The following AP3S2 variants were observed in gnomAD, a reference collection of about 807,000 sequenced individuals.
AP3S2 encodes AP-3 complex subunit sigma-2.
A neutral mutation model predicts 23.4 loss-of-function variants in AP3S2; 22 were observed. The ratio of observed to expected loss-of-function variants is 0.94; its 90% CI spans 0.67 to 1.34. The LOEUF is 1.34. AP3S2 is among the 40% of genes most tolerant of loss of function. AP3S2 has a pLI of 0.00. For synonymous variants in AP3S2, 86 were observed against 87.1 expected (o/e 0.99, Z 0.07); for missense variants, 241 against 236.9 (o/e 1.02, Z -0.11).
chr15:89,833,380 A>T lies in AP3S2; in HGVS notation c.*2135T>A, dbSNP rs1262925489. 1 of 152,224 alleles carries T rather than the reference A, an allele frequency of 6.6e-6. No individual in the cohort carries two copies. Among genetic ancestry groups the T allele is most frequent in the Non-Finnish European group, 1.5e-5 (1 of 68,032 alleles). The allele number at this position is 152,224 out of a possible 1,614,324, so 9.4% of individuals were successfully genotyped here. A position where few individuals can be genotyped will look rare whatever the true frequency, so the allele number is the denominator to read the frequency against. On this transcript the variant is annotated 3_prime_UTR_variant, in exon 6 of 6. Transcript: ENST00000336418. ...GATAACATTGGGAGAAGCCATCTTA[A>T]GCAGCGAGGAAAGAAAAGGACAGTG...
intron 4 of AP3S2, among the ~76,000 whole-genome samples, chr15:89,841,388 C>T (rs1176812944): frequency 6.6e-6 from 1 of 152,150 alleles, no homozygotes; most frequent in East Asian, 1.9e-4. Context: ...CTTTGCTTCA[C>T]AGAAGAAAAA....
At chr15:89,857,245 G>A (rs992150733) in intron 4 of AP3S2, among the ~76,000 whole-genome samples, 1 of 152,198 alleles carries the variant, frequency 6.6e-6, no homozygotes, top group African/African-American at 2.4e-5. Context: ...GCCTCCCAAA[G>A]TGCTGGGATT....
At chr15:89,843,582 C>T (rs1259486972) in intron 4 of AP3S2, among the ~76,000 whole-genome samples, 1 of 152,132 alleles carries the variant, frequency 6.6e-6, no homozygotes, top group Non-Finnish European at 1.5e-5. Context: ...CTGCAGTGAG[C>T]TGAGATCGCA....
At chr15:89,886,325 CAG>C (rs1433723075) in intron 3 of AP3S2, among the ~76,000 whole-genome samples, 1 of 151,896 alleles carries the variant, frequency 6.6e-6, no homozygotes, top group African/African-American at 2.4e-5. Context: ...AGACTGGCAA[CAG>C]AGCAAGACTC....
At chr15:89,864,649 T>G (rs1213023982) in intron 4 of AP3S2, among the ~76,000 whole-genome samples, 1 of 150,704 alleles carries the variant, frequency 6.6e-6, no homozygotes, top group Non-Finnish European at 1.5e-5. Context: ...GTTCAAGTGA[T>G]TCTCCTGCCT....
intron 3 of AP3S2, among the ~76,000 whole-genome samples, chr15:89,875,149 C>T (rs1317666678): frequency 1.3e-5 from 2 of 152,226 alleles, no homozygotes; most frequent in African/African-American, 4.8e-5. Flanking sequence ...AAAAGCGGCA[C>T]GTGGAGGTGC....
chr15:89,870,800 G>C (rs28496571), intron 4 of AP3S2, among the ~76,000 whole-genome samples: 7,173 of 152,272 alleles, frequency 0.047, 462 homozygotes, highest in African/African-American at 0.15. Flanking sequence ...AGACGCACCA[G>C]TAAACTGCAC....
At chr15:89,838,679 T>G (rs1005083199) in intron 4 of AP3S2, among the ~76,000 whole-genome samples, 3 of 152,172 alleles carry the variant, frequency 2.0e-5, no homozygotes, top group African/African-American at 7.2e-5. Context: ...TATTGTTAAC[T>G]AAGTGCCAAA....
At chr15:89,881,972 C>T (rs946612992) in intron 3 of AP3S2, among the ~76,000 whole-genome samples, 11 of 152,040 alleles carry the variant, frequency 7.2e-5, no homozygotes, top group Non-Finnish European at 1.3e-4. Context: ...AGGTGCATAC[C>T]ACCACGCCCG....
chr15:89,880,482 G>A (rs1336925801), intron 3 of AP3S2, among the ~76,000 whole-genome samples: 1 of 152,064 alleles, frequency 6.6e-6, no homozygotes, highest in Non-Finnish European at 1.5e-5. Context: ...AGACCAGCCT[G>A]GTCAACATGG....
At chr15:89,885,729 C>A (rs1567188334) in intron 3 of AP3S2, among the ~76,000 whole-genome samples, 1 of 151,642 alleles carries the variant, frequency 6.6e-6, no homozygotes. Flanking sequence ...ACTGCCTGAG[C>A]TGAGATGTTC....
chr15:89,859,192 T>TTC (rs1163909742), intron 4 of AP3S2, among the ~76,000 whole-genome samples: 3 of 151,096 alleles, frequency 2.0e-5, no homozygotes, highest in African/African-American at 7.3e-5. Flanking sequence ...TCTTCCTTCC[T>TTC]TCCCTCTCTC....
chr15:89,837,869 G>T, intron 4 of AP3S2, 147 bp from the exon 5 acceptor site: 2 of 834,646 alleles, frequency 2.4e-6, no homozygotes, highest in Non-Finnish European at 3.7e-6. Context: ...CCTGCCCAGT[G>T]ACACAACGAG....
chr15:89,889,197 C>G, intron 1 of AP3S2, 57 bp from the exon 2 acceptor site: 1 of 1,581,438 alleles, frequency 6.3e-7, no homozygotes. Flanking sequence ...TACATCCCAT[C>G]CATGGGGATG....
In AP3S2 at chr15:89,832,168, G is replaced by C. The variant is rs1372827706; in HGVS notation, c.*3347C>G. On this transcript the variant is annotated 3_prime_UTR_variant, in exon 6 of 6. Coordinates refer to ENST00000336418, the MANE Select transcript of AP3S2 (RefSeq NM_005829.5). ...CACTGAAAACCCAGTATTTGGCCAG[G>C]TCCAGTGGCTCACACCTGTAATCCC... 6.6e-6 allele frequency: 1 copy of C among 152,188 alleles called. No homozygotes were observed. The highest frequency in any genetic ancestry group is 1.9e-4 in the East Asian group (1 of 5,196). The allele number at this position is 152,188 out of a possible 1,614,324, so 9.4% of individuals were successfully genotyped here.
At chr15:89,860,052 A>T (rs965018175) in intron 4 of AP3S2, among the ~76,000 whole-genome samples, 15 of 152,206 alleles carry the variant, frequency 9.9e-5, no homozygotes, top group Non-Finnish European at 7.3e-5. Context: ...GGCATGAGCC[A>T]TCATGACCAG....
chr15:89,869,309 C>G (rs1896255972), intron 4 of AP3S2, among the ~76,000 whole-genome samples: 1 of 147,362 alleles, frequency 6.8e-6, no homozygotes, highest in East Asian at 2.0e-4. Flanking sequence ...GCTGTGTCCA[C>G]TCAGGGTTAA....
At chr15:89,871,709 AC>A (rs1896322856) in intron 3 of AP3S2, among the ~76,000 whole-genome samples, 163 bp from the exon 4 acceptor site, 1 of 152,216 alleles carries the variant, frequency 6.6e-6, no homozygotes, top group African/African-American at 2.4e-5. Flanking sequence ...TTAGCTGATC[AC>A]CCTACTTATC....
In AP3S2 at chr15:89,862,750, C is replaced by T. The variant is rs370518544; in HGVS notation, c.345+8725G>A. Among the ~76,000 whole-genome samples the T allele has an allele frequency of 7.2e-4, 109 of 152,104 alleles. 3 individuals carry two copies. In the South Asian group the frequency reaches 0.022, roughly 31 times the overall value. On this transcript the variant is annotated intron_variant, in intron 4 of 5. Coordinates refer to ENST00000336418, the MANE Select transcript of AP3S2 (RefSeq NM_005829.5). ...CATATGCTGAAGCTGGCTCTGGATA[C>T]GTGGCAAGAAGAAATTTAGATGTGA...
Sources: gnomAD v4.1 joint callset for allele counts (sites outside exome capture counted in the v4.1 genomes callset) on GRCh38, gnomAD v4.1.1 for gene constraint, MANE v1.5 for transcripts, NCBI Gene and HGNC (gene_info 2026-07-23, HGNC 2026-07-21) for gene names.